Variants in RBMS3 observed in about 807,000 individuals in gnomAD.
RBMS3 encodes the protein RNA-binding motif, single-stranded-interacting protein 3.
RBMS3 carries 27 observed loss-of-function variants against 66.8 expected under a neutral mutation model. The observed-to-expected ratio is 0.40, with a 90% CI of 0.30 to 0.56. The LOEUF (loss-of-function observed/expected upper bound fraction) is 0.56, where lower values mean the gene tolerates loss of function less well. Among genes scored for constraint, RBMS3 ranks in the 20% least tolerant of loss-of-function variants. The probability of loss-of-function intolerance (pLI) is 0.40; values close to 1 mark genes in which losing one functional copy is unlikely to be tolerated. For synonymous variants in RBMS3, 188 were observed against 183.0 expected, an observed-to-expected ratio of 1.03 and a Z score of -0.22; for missense variants, 513 against 549.5, an observed-to-expected ratio of 0.93 and a Z score of 0.66.
At chr3:29,804,754 G>C (rs2057489978) in intron 6 of RBMS3, among the ~76,000 whole-genome samples, 1 of 151,968 alleles carries the variant, frequency 6.6e-6, no homozygotes, top group Admixed American at 6.6e-5. Context: ...TTCACATTCA[G>C]AGCATAAATG....
intron 4 of RBMS3, among the ~76,000 whole-genome samples, chr3:29,652,299 G>A (rs1033346881): frequency 6.6e-6 from 1 of 151,952 alleles, no homozygotes; most frequent in Non-Finnish European, 1.5e-5. Context: ...CCCTTACCTT[G>A]TATACTTGTA....
chr3:29,525,987 T>C (rs1298975782), intron 3 of RBMS3, among the ~76,000 whole-genome samples: 1 of 152,190 alleles, frequency 6.6e-6, no homozygotes, highest in Non-Finnish European at 1.5e-5. Flanking sequence ...TGTCGCTGAC[T>C]CTTGTGATTT....
At chr3:29,816,190 C>T (rs1168965170) in intron 6 of RBMS3, among the ~76,000 whole-genome samples, 3 of 152,056 alleles carry the variant, frequency 2.0e-5, no homozygotes, top group Non-Finnish European at 4.4e-5. Flanking sequence ...ACTGGACCCT[C>T]TTCTTTCCAG....
At chr3:29,524,602 A>G (rs1576112977) in intron 3 of RBMS3, among the ~76,000 whole-genome samples, 1 of 148,608 alleles carries the variant, frequency 6.7e-6, no homozygotes, top group African/African-American at 2.5e-5. Flanking sequence ...CAACTTTTGC[A>G]TTTTATTTAT....
intron 14 of RBMS3, among the ~76,000 whole-genome samples, chr3:29,993,391 T>TGGGAGATGAGAAATACTGTGGG (rs1699009702): frequency 6.6e-6 from 1 of 152,012 alleles, no homozygotes; most frequent in Non-Finnish European, 1.5e-5. Flanking sequence ...CATTGATTGG[T>TGGGAGATGAGAAATACTGTGGG]GGGAGATGAG....
intron 1 of RBMS3, among the ~76,000 whole-genome samples, chr3:29,339,943 A>C (rs1460063293): frequency 1.3e-5 from 2 of 152,158 alleles, no homozygotes; most frequent in Admixed American, 6.6e-5. Context: ...GAGAAGTAGC[A>C]TCCTTTGCAC....
intron 2 of RBMS3, among the ~76,000 whole-genome samples, chr3:29,480,798 G>A (rs1465007041): frequency 6.6e-6 from 1 of 152,214 alleles, no homozygotes; most frequent in Admixed American, 6.5e-5. Flanking sequence ...AGGGCAGGCA[G>A]AGGGGAAAGA....
chr3:29,556,582 G>A (rs1206871211), intron 3 of RBMS3, among the ~76,000 whole-genome samples: 2 of 147,922 alleles, frequency 1.4e-5, no homozygotes, highest in East Asian at 1.9e-4. Context: ...CAGCCTGGAC[G>A]ACAGAGCAGG....
chr3:29,814,514 T>G (rs998774416), intron 6 of RBMS3, among the ~76,000 whole-genome samples: 3 of 152,150 alleles, frequency 2.0e-5, no homozygotes, highest in African/African-American at 7.2e-5. Context: ...TTAGGGAGGA[T>G]TCCCTCTTTT....
At chr3:29,457,580 G>A (rs867209212) in intron 2 of RBMS3, among the ~76,000 whole-genome samples, 1 of 151,994 alleles carries the variant, frequency 6.6e-6, no homozygotes, top group South Asian at 2.1e-4. Flanking sequence ...AAATCAGCTG[G>A]GCGTAGTGGT....
At position 29,324,058 on chromosome 3, in the gene RBMS3, T is replaced by A. The variant is rs139671337; in HGVS notation, c.75+42302T>A. 1.1e-3 allele frequency among the ~76,000 whole-genome samples: 163 copies of A among 152,232 alleles called. 2 individuals are homozygous for A. The East Asian group carries it at 0.022, about 21-fold the overall frequency. ...TTCTTTAACATACCTAGATTTTTTT[T>A]ATTTTGTTTTTATTTTTAACTCTGG... On this transcript the variant is annotated intron_variant, in intron 1 of 14. Transcript: ENST00000383767.
Position 29,671,512 on chromosome 3 carries a change from C to A in RBMS3, c.400-68208C>A, listed in dbSNP as rs185439757. Among the ~76,000 whole-genome samples, 374 of 152,190 alleles carry A rather than the reference C, an allele frequency of 2.5e-3. 2 individuals carry two copies. Among genetic ancestry groups the A allele is most frequent in the African/African-American group, 8.5e-3 (354 of 41,528 alleles). On this transcript the variant is annotated intron_variant, in intron 4 of 14. Coordinates refer to ENST00000383767, the MANE Select transcript of RBMS3 (RefSeq NM_001003793.3). ...TCTAAAGCAGGATGTTCGAACCCAT[C>A]GCAAAGAAGCTAAAAACCTTGAAAA... is the stretch of plus-strand genomic sequence containing the variant.
intron 4 of RBMS3, among the ~76,000 whole-genome samples, chr3:29,726,980 A>T (rs946466246): frequency 3.9e-5 from 6 of 152,218 alleles, no homozygotes; most frequent in African/African-American, 1.4e-4. Context: ...ACAAGGCTAC[A>T]GTAACCAAAA....
At chr3:29,389,849 C>T (rs1193972464) in intron 1 of RBMS3, among the ~76,000 whole-genome samples, 2 of 151,908 alleles carry the variant, frequency 1.3e-5, no homozygotes, top group Non-Finnish European at 2.9e-5. Context: ...GCTTTGGGGC[C>T]GTTGAGTGCT....
chr3:29,305,173 T>G (rs897464236), intron 1 of RBMS3, among the ~76,000 whole-genome samples: 3 of 151,940 alleles, frequency 2.0e-5, no homozygotes, highest in African/African-American at 4.8e-5. Flanking sequence ...ATTCTTGTTT[T>G]TCAGACCCCA....
rs187732192 is a variant in RBMS3, at chr3:29,630,434, C to T, written c.399+43229C>T. ...TCTGAGAGGAAGAATTGGGGACCAA[C>T]TCATTGTCAATTTCCCCCAGTGCCT... On this transcript the variant is annotated intron_variant, in intron 4 of 14. Coordinates refer to ENST00000383767, the MANE Select transcript of RBMS3 (RefSeq NM_001003793.3). Among the ~76,000 whole-genome samples, 249 of 152,038 alleles carry T rather than the reference C, an allele frequency of 1.6e-3. 1 individual carries two copies. The highest frequency in any genetic ancestry group is 5.5e-3 in the African/African-American group (230 of 41,516).
intron 2 of RBMS3, 69 bp downstream of exon 2, chr3:29,434,984 T>A: frequency 6.7e-7 from 1 of 1,482,068 alleles, no homozygotes; most frequent in Non-Finnish European, 9.2e-7. Flanking sequence ...GGATGTGTTA[T>A]TTCAGTCAAT....
At chr3:29,789,843 T>A (rs1246802095) in intron 6 of RBMS3, among the ~76,000 whole-genome samples, 1 of 152,198 alleles carries the variant, frequency 6.6e-6, no homozygotes, top group Non-Finnish European at 1.5e-5. Flanking sequence ...CTTTCAACTT[T>A]GAATGCTTGT....
chr3:29,762,901 T>C lies in RBMS3; in HGVS notation c.558-9T>C, dbSNP rs763703307. ...CATATATGACCTCTGGTTTACCTTTTTTTCCCAGAATGGAGTCTACTGAAA... is the reference window on the plus strand; with the variant it reads ...CATATATGACCTCTGGTTTACCTTTCTTTCCCAGAATGGAGTCTACTGAAA... On this transcript the variant is annotated splice_polypyrimidine_tract_variant and intron_variant, in intron 5 of 14. Transcript: ENST00000383767. 6.3e-7 allele frequency: 1 copy of C among 1,591,500 alleles called. No individual in the cohort carries two copies. Among genetic ancestry groups the C allele is most frequent in the Admixed American group, 1.7e-5 (1 of 58,146 alleles).
Sources: gnomAD v4.1 joint callset for allele counts (sites outside exome capture counted in the v4.1 genomes callset) on GRCh38, gnomAD v4.1.1 for gene constraint, MANE v1.5 for transcripts, NCBI Gene and HGNC (gene_info 2026-07-23, HGNC 2026-07-21) for gene names.